Variants in AVIL observed in about 807,000 individuals in gnomAD.
AVIL encodes advillin.
A neutral mutation model predicts 109.9 loss-of-function variants in AVIL; 78 were observed. That is an observed-to-expected ratio of 0.71 (90% CI 0.59 to 0.86). AVIL has a LOEUF of 0.86. AVIL is among the 40% of genes least tolerant of loss of function. The pLI, the probability that AVIL is intolerant of heterozygous loss-of-function variation, is 0.00. For synonymous variants in AVIL, 367 were observed against 379.1 expected, an observed-to-expected ratio of 0.97 and a Z score of 0.37; for missense variants, 892 against 1,016.5, an observed-to-expected ratio of 0.88 and a Z score of 1.67.
At chr12:57,806,307 G>T in intron 14 of AVIL, 53 bp downstream of exon 14, 1 of 1,595,668 alleles carries the variant, frequency 6.3e-7, no homozygotes. Flanking sequence ...GAGGAGGGGA[G>T]TGCAGGTCTG....
chr12:57,813,553 A>C, intron 3 of AVIL, 130 bp from the exon 4 acceptor site: 1 of 889,128 alleles, frequency 1.1e-6, no homozygotes, highest in Non-Finnish European at 1.7e-6. Context: ...CCTGCAGTGG[A>C]TGTGGGAGCT....
chr12:57,798,547 G>A (rs1955781652), intron 19 of AVIL, among the ~76,000 whole-genome samples: 1 of 152,042 alleles, frequency 6.6e-6, no homozygotes, highest in Non-Finnish European at 1.5e-5. Flanking sequence ...AAGACATTGT[G>A]GGAAATCCAG....
chr12:57,806,632 T>G, intron 13 of AVIL, 93 bp from the exon 14 acceptor site: 1 of 1,437,490 alleles, frequency 7.0e-7, no homozygotes, highest in Non-Finnish European at 9.6e-7. Flanking sequence ...TGTTATAGTA[T>G]TATGTTTGCC....
At chr12:57,815,445 A>T in intron 2 of AVIL, 1 of 555,536 alleles carries the variant, frequency 1.8e-6, no homozygotes, top group Non-Finnish European at 2.6e-6. Context: ...GAATCCTCGT[A>T]TCTGGCAGGT....
At chr12:57,802,660 T>C (rs1027003213) in intron 16 of AVIL, 1 of 656,596 alleles carries the variant, frequency 1.5e-6, no homozygotes, top group Admixed American at 2.5e-5. Context: ...AAATAACACC[T>C]TCAGGATGTA....
At chr12:57,808,340 G>T in intron 10 of AVIL, 46 bp from the exon 11 acceptor site, 1 of 1,613,974 alleles carries the variant, frequency 6.2e-7, no homozygotes, top group Non-Finnish European at 8.5e-7. Context: ...AGAAGCATCT[G>T]TGCCTGCTTT....
Position 57,810,899 on chromosome 12 carries a change from G to A in AVIL, c.475C>T (p.Arg159Ter), listed in dbSNP as rs1372886361. Reference sequence around the variant, plus strand: ...AGGTCCAGCAAGAAGACATCACCTCGGTTGAAACTGTCCCAGCTCATTTCC... The same window carrying A: ...AGGTCCAGCAAGAAGACATCACCTCAGTTGAAACTGTCCCAGCTCATTTCC... ...EVEMSWDSFN[R>*]GDVFLLDLGK... is the part of the protein sequence containing the mutation. The change falls in exon 6 of 20, where the codon CGA becomes TGA. Residue 159 changes from arginine to a stop codon, truncating the protein, a stop_gained. Coordinates refer to ENST00000549994, the MANE Select transcript of AVIL (RefSeq NM_006576.4). LOFTEE classifies it high-confidence loss of function. 5.0e-6 allele frequency: 8 copies of A among 1,614,036 alleles called. No individual in the cohort carries two copies. The highest frequency in any genetic ancestry group is 2.7e-5 in the African/African-American group (2 of 74,918).
chr12:57,806,210 A>T, intron 14 of AVIL, 150 bp downstream of exon 14: 1 of 728,606 alleles, frequency 1.4e-6, no homozygotes, highest in South Asian at 1.6e-5. Flanking sequence ...GACCATGCTA[A>T]TCTTCTCTGT....
intron 11 of AVIL, 137 bp from the exon 12 acceptor site, chr12:57,807,864 T>C: frequency 8.2e-7 from 1 of 1,224,126 alleles, no homozygotes; most frequent in South Asian, 1.2e-5. Context: ...TCTCTCCCAG[T>C]GCTGAGGACT....
chr12:57,816,094 C>A, intron 1 of AVIL, 35 bp from the exon 2 acceptor site: 1 of 1,551,874 alleles, frequency 6.4e-7, no homozygotes, highest in Non-Finnish European at 8.8e-7. Flanking sequence ...GAGATGATAT[C>A]TCTTGCCATA....
rs1955987501 is a variant in AVIL, at chr12:57,808,462, C to T, written c.1026G>A (p.Leu342=). 2 of 1,614,202 alleles carry T rather than the reference C, an allele frequency of 1.2e-6. No individual in the cohort carries two copies. The highest frequency in any genetic ancestry group is 1.7e-6 in the Non-Finnish European group (2 of 1,180,024). Residue 342 remains leucine (L), a synonymous_variant, in exon 10 of 20, where the codon CTG becomes CTA. Transcript: ENST00000549994. ...GGTCCTTTACTGACCACTTCTGGAACAGCTGCTTGAACATGGCCGACTCAG... is the reference window on the plus strand; with the variant it reads ...GGTCCTTTACTGACCACTTCTGGAATAGCTGCTTGAACATGGCCGACTCAG... ...DGAESAMFKQ[L]FQKWSVKDQT... is the part of the protein sequence containing the mutation.
chr12:57,805,370 A>G (rs1353173930), intron 14 of AVIL, among the ~76,000 whole-genome samples: 1 of 151,468 alleles, frequency 6.6e-6, no homozygotes, highest in East Asian at 2.0e-4. Flanking sequence ...GTGCATTTTA[A>G]TCCACTATTG....
At chr12:57,815,706 C>T in intron 2 of AVIL, 2 of 1,385,912 alleles carry the variant, frequency 1.4e-6, no homozygotes, top group East Asian at 3.1e-5. Context: ...CAAGTGCAGA[C>T]TCACTGAGCA....
At chr12:57,815,587 T>C (rs1407765367) in intron 2 of AVIL, 1 of 1,263,482 alleles carries the variant, frequency 7.9e-7, no homozygotes, top group Middle Eastern at 2.2e-4. Context: ...CCTCTCCCCA[T>C]ATTTTGTAGG....
chr12:57,815,965 C>G lies in AVIL; in HGVS notation c.66+10G>C, dbSNP rs1212873803. On this transcript the variant is annotated intron_variant, in intron 2 of 19. Transcript: ENST00000549994. ...GTGGTCACAAGTAAGGTGCCTCCAGCCCAGCTCACCTCTATTCTCCAGACA... is the reference window on the plus strand; with the variant it reads ...GTGGTCACAAGTAAGGTGCCTCCAGGCCAGCTCACCTCTATTCTCCAGACA... 1 of 1,614,076 alleles carries G rather than the reference C, an allele frequency of 6.2e-7. No individual in the cohort carries two copies. Among genetic ancestry groups the G allele is most frequent in the Non-Finnish European group, 8.5e-7 (1 of 1,179,992 alleles).
At chr12:57,801,416 C>A in intron 17 of AVIL, 1 of 438,134 alleles carries the variant, frequency 2.3e-6, no homozygotes, top group Non-Finnish European at 4.2e-6. Context: ...TTGATGGTAA[C>A]CCCTCAGTCC....
chr12:57,806,201 A>T (rs1955942544), intron 14 of AVIL, 159 bp downstream of exon 14: 1 of 571,010 alleles, frequency 1.8e-6, no homozygotes, highest in East Asian at 3.4e-5. Flanking sequence ...TTGCACAGGG[A>T]CCATGCTAAT....
Position 57,797,655 on chromosome 12 carries a change from C to G in AVIL, c.*227G>C. The G allele has an allele frequency of 6.0e-6, 5 of 828,396 alleles. No homozygotes were observed. The highest frequency in any genetic ancestry group is 7.6e-6 in the Non-Finnish European group (5 of 659,416). 51.3% of individuals were successfully genotyped at this position (828,396 alleles called of 1,614,324 possible). A position where few individuals can be genotyped will look rare whatever the true frequency, so the allele number is the denominator to read the frequency against. On this transcript the variant is annotated 3_prime_UTR_variant, in exon 20 of 20. Coordinates refer to ENST00000549994, the MANE Select transcript of AVIL (RefSeq NM_006576.4). Reference sequence around the variant, plus strand: ...TTAGTGCTTTCTGCTGAGGCTTTAGCTAGAGGGCCACAAAACCCAAAAACT... The same window carrying G: ...TTAGTGCTTTCTGCTGAGGCTTTAGGTAGAGGGCCACAAAACCCAAAAACT...
chr12:57,808,517 C>G lies in AVIL; in HGVS notation c.971G>C (p.Ser324Thr). 6.2e-7 allele frequency: 1 copy of G among 1,614,154 alleles called. No homozygotes were observed. Among genetic ancestry groups the G allele is most frequent in the Admixed American group, 1.7e-5 (1 of 60,034 alleles). ...GFIKMKSYPSSTNVETVNDGA... is the reference protein window; with the variant it reads ...GFIKMKSYPSTTNVETVNDGA... ...ATCGTTGACGGTCTCCACATTGGTG[C>G]TGCTGGGGTAGCTCTTCATCTTGAT... The change falls in exon 10 of 20, where the codon AGC becomes ACC. Residue 324 changes from serine (S) to threonine (T), a missense_variant. By Grantham distance (58) the Ser-to-Thr change is moderately conservative. Transcript: ENST00000549994.
Sources: allele counts gnomAD v4.1 joint callset (sites outside exome capture counted in the v4.1 genomes callset), GRCh38; gene constraint gnomAD v4.1.1; transcripts MANE v1.5; gene names NCBI Gene and HGNC (gene_info 2026-07-23, HGNC 2026-07-21).